Variants in WEE2 observed in about 807,000 individuals in gnomAD.
WEE2 encodes WEE2 oocyte meiosis inhibiting kinase.
WEE2 carries 50 observed loss-of-function variants against 60.1 expected under a neutral mutation model. The observed-to-expected ratio is 0.83, with a 90% confidence interval of 0.66 to 1.05. The LOEUF (loss-of-function observed/expected upper bound fraction) is 1.05. Ranked by LOEUF, WEE2 falls within the 50% of genes least tolerant of loss-of-function variation. The probability of loss-of-function intolerance (pLI) is 0.00; values close to 1 mark genes in which losing one functional copy is unlikely to be tolerated. For missense variants in WEE2, 631 were observed against 684.3 expected (o/e 0.92, Z 0.87); for synonymous variants, 240 against 241.0 (o/e 1.00, Z 0.04).
chr7:141,723,917 T>C, intron 6 of WEE2, 24 bp from the exon 7 acceptor site: 1 of 1,492,128 alleles, frequency 6.7e-7, no homozygotes, highest in Non-Finnish European at 9.3e-7. Context: ...ATTACTTACA[T>C]CTATCCTGTC....
At chr7:141,723,511 A>G (rs1798956873) in intron 6 of WEE2, among the ~76,000 whole-genome samples, 1 of 152,224 alleles carries the variant, frequency 6.6e-6, no homozygotes, top group Admixed American at 6.5e-5. Context: ...CCAAAAAAGT[A>G]AAATTAGGTA....
chr7:141,719,302 G>C, intron 4 of WEE2, 58 bp downstream of exon 4: 2 of 1,468,348 alleles, frequency 1.4e-6, no homozygotes, highest in African/African-American at 1.4e-5. Flanking sequence ...GTTGTTTCTT[G>C]TCAAATTATT....
chr7:141,715,109 T>C (rs1018058699), intron 2 of WEE2, among the ~76,000 whole-genome samples: 1 of 152,242 alleles, frequency 6.6e-6, no homozygotes, highest in African/African-American at 2.4e-5. Flanking sequence ...TTTAATGTGC[T>C]ATGTCAAGTT....
At position 141,719,200 on chromosome 7, in the gene WEE2, T is replaced by C. The variant is rs759778775; in HGVS notation, c.714T>C (p.Tyr238=). The change falls in exon 4 of 12, where the codon TAT becomes TAC. Residue 238 remains tyrosine, a synonymous_variant. Coordinates refer to ENST00000397541, the MANE Select transcript of WEE2 (RefSeq NM_001105558.1). The part of the protein sequence containing the change: ...KCIKRLDGCV[Y]AIKRSMKTFT... The stretch of plus-strand genomic sequence containing the variant: ...TTAAGAGGCTGGATGGATGTGTTTA[T>C]GCAATAAAGCGCTCTATGAAAACTT... The C allele has an allele frequency of 1.2e-6, 2 of 1,613,756 alleles. No homozygotes were observed. Among genetic ancestry groups the C allele is most frequent in the East Asian group, 2.2e-5 (1 of 44,868 alleles).
At position 141,724,039 on chromosome 7, in the gene WEE2, T is replaced by C. The variant is rs1362537463; in HGVS notation, c.1126T>C (p.Tyr376His). ...ADWFLSANVM[Y>H]KIGDLGHATS... ...TTGGTTTCTCTCTGCCAATGTGATG[T>C]ATAAAATTGGTTAGTCTGCCTTATA... is the stretch of plus-strand genomic sequence containing the variant. The change falls in exon 7 of 12, where the codon TAT becomes CAT. Residue 376 changes from tyrosine to histidine, a missense_variant. Physicochemically the swap from Tyr to His is moderately conservative, Grantham distance 83. Transcript: ENST00000397541. The C allele has an allele frequency of 1.9e-6, 3 of 1,611,478 alleles. No individual in the cohort carries two copies. The African/African-American group carries it at 4.0e-5, about 22-fold the overall frequency.
At chr7:141,727,781 T>G in intron 10 of WEE2, 2 of 235,202 alleles carry the variant, frequency 8.5e-6, no homozygotes, top group Non-Finnish European at 1.6e-5. Flanking sequence ...TAATATAAGA[T>G]AACCACAGGT....
chr7:141,723,687 G>C (rs1045017743), intron 6 of WEE2, among the ~76,000 whole-genome samples: 6 of 151,528 alleles, frequency 4.0e-5, no homozygotes, highest in African/African-American at 1.5e-4. Flanking sequence ...TTTATTTTGG[G>C]GACAATAGTA....
rs1799038363 is a variant in WEE2, at chr7:141,727,460, T to G, written c.1535+14T>G. ...CACACTGGAAAGGTATATTTTTGGATGATGGGGGGTCAAGAAAGAATCTGA... is the reference window on the plus strand; with the variant it reads ...CACACTGGAAAGGTATATTTTTGGAGGATGGGGGGTCAAGAAAGAATCTGA... On this transcript the variant is annotated intron_variant, in intron 10 of 11. Transcript: ENST00000397541. 1.2e-6 allele frequency: 2 copies of G among 1,613,430 alleles called. No individual in the cohort carries two copies. The highest frequency in any genetic ancestry group is 1.7e-6 in the Non-Finnish European group (2 of 1,179,802).
chr7:141,722,043 T>C (rs907229261), intron 5 of WEE2, among the ~76,000 whole-genome samples: 10 of 152,146 alleles, frequency 6.6e-5, no homozygotes, highest in Non-Finnish European at 1.0e-4. Context: ...AGTGGAGCTA[T>C]GGTTTTTGTA....
rs753213041 is a variant in WEE2, at chr7:141,724,184, T to C, written c.1136-6T>C. ...TTTATTCTTTTTTCCTTTTTCTTTTTTTTAGGTGACCTGGGCCACGCAACA... is the reference window on the plus strand; with the variant it reads ...TTTATTCTTTTTTCCTTTTTCTTTTCTTTAGGTGACCTGGGCCACGCAACA... On this transcript the variant is annotated splice_polypyrimidine_tract_variant and splice_region_variant and intron_variant, in intron 7 of 11. Transcript: ENST00000397541. 1 of 1,599,114 alleles carries C rather than the reference T, an allele frequency of 6.3e-7. No homozygotes were observed. Among genetic ancestry groups the C allele is most frequent in the Non-Finnish European group, 8.5e-7 (1 of 1,176,374 alleles).
At position 141,714,397 on chromosome 7, in the gene WEE2, A is replaced by G. The variant is rs1414610250; in HGVS notation, c.531A>G (p.Arg177=). 2 of 1,609,802 alleles carry G rather than the reference A, an allele frequency of 1.2e-6. No individual in the cohort carries two copies. The highest frequency in any genetic ancestry group is 2.7e-5 in the African/African-American group (2 of 74,670). Residue 177 remains arginine (R), a synonymous_variant, in exon 2 of 12, where the codon AGA becomes AGG. Coordinates refer to ENST00000397541, the MANE Select transcript of WEE2 (RefSeq NM_001105558.1). ...FLQSGGKRKI[R]GDLEEAGPEE... ...AATCTGGTGGCAAGAGGAAAATAAG[A>G]GGAGATCTGTAAGTGCTCTATTACT...
intron 4 of WEE2, among the ~76,000 whole-genome samples, chr7:141,720,141 CTTTTTTTTTTTTTTTTTTT>C (rs571238574): frequency 3.1e-5 from 2 of 64,178 alleles, no homozygotes; most frequent in Non-Finnish European, 5.4e-5. Context: ...TAGAATTCCT[CTTTTTTTTTTTTTTTTTTT>C]TTTTTTTTTT....
At chr7:141,724,736 T>C (rs1249316779) in intron 8 of WEE2, among the ~76,000 whole-genome samples, 1 of 152,202 alleles carries the variant, frequency 6.6e-6, no homozygotes, top group African/African-American at 2.4e-5. Flanking sequence ...CAAGTAAAAA[T>C]GAGTATTCCC....
chr7:141,730,329 A>G lies in WEE2; in HGVS notation c.*9A>G. 6.2e-7 allele frequency: 1 copy of G among 1,613,168 alleles called. No individual in the cohort carries two copies. The highest frequency in any genetic ancestry group is 8.5e-7 in the Non-Finnish European group (1 of 1,179,546). On this transcript the variant is annotated 3_prime_UTR_variant, in exon 12 of 12. Coordinates refer to ENST00000397541, the MANE Select transcript of WEE2 (RefSeq NM_001105558.1). The stretch of plus-strand genomic sequence containing the variant: ...GTGAGCCTCTGCATTAAAGGAAGAA[A>G]AGGAAAACAGCCCTTGGTTTGGCCT...
intron 5 of WEE2, 107 bp from the exon 6 acceptor site, chr7:141,723,027 G>C: frequency 7.0e-7 from 1 of 1,419,760 alleles, no homozygotes; most frequent in Non-Finnish European, 9.6e-7. Context: ...ATATCTGCAG[G>C]AGGTCCTGGA....
Position 141,714,277 on chromosome 7 carries a change from G to A in WEE2, c.411G>A (p.Lys137=). The A allele has an allele frequency of 6.2e-7, 1 of 1,613,876 alleles. No individual in the cohort carries two copies. Among genetic ancestry groups the A allele is most frequent in the Non-Finnish European group, 8.5e-7 (1 of 1,179,856 alleles). The part of the protein sequence containing the change: ...KLPSRGPKHL[K]LTPAPLKDEM... ...CTTCCAGAGGCCCTAAGCATTTGAA[G>A]CTCACACCTGCTCCCCTCAAGGATG... The change falls in exon 2 of 12, where the codon AAG becomes AAA. Residue 137 remains lysine, a synonymous_variant. Coordinates refer to ENST00000397541, the MANE Select transcript of WEE2 (RefSeq NM_001105558.1).
At chr7:141,709,825 T>C (rs996795391) in intron 1 of WEE2, among the ~76,000 whole-genome samples, 2 of 152,182 alleles carry the variant, frequency 1.3e-5, no homozygotes, top group African/African-American at 4.8e-5. Context: ...TGTTGCATCG[T>C]TCATGTTATT....
chr7:141,723,161 A>C lies in WEE2; in HGVS notation c.908A>C (p.Glu303Ala), dbSNP rs34686700. ...NGGSLQAAIS[E>A]NTKSGNHFEE... Reference sequence around the variant, plus strand: ...GGGAGTTTGCAAGCTGCTATATCTGAAAACACTAAGTCTGGCAATCATTTT... The same window carrying C: ...GGGAGTTTGCAAGCTGCTATATCTGCAAACACTAAGTCTGGCAATCATTTT... The change falls in exon 6 of 12, where the codon GAA becomes GCA. Residue 303 changes from glutamate to alanine, a missense_variant. Transcript: ENST00000397541. The C allele has an allele frequency of 1.2e-4, 192 of 1,614,214 alleles. No individual in the cohort carries two copies. In the African/African-American group the frequency reaches 2.3e-3, roughly 19 times the overall value.
intron 1 of WEE2, among the ~76,000 whole-genome samples, chr7:141,710,951 A>C (rs905277071): frequency 6.6e-6 from 1 of 152,142 alleles, no homozygotes; most frequent in Non-Finnish European, 1.5e-5. Flanking sequence ...AGCATGAGAG[A>C]GCCTGGAGGT....
Sources: gnomAD v4.1 joint callset for allele counts (sites outside exome capture counted in the v4.1 genomes callset) on GRCh38, gnomAD v4.1.1 for gene constraint, MANE v1.5 for transcripts, NCBI Gene and HGNC (gene_info 2026-07-23, HGNC 2026-07-21) for gene names.